ZMIZ1: variants seen among roughly 807,000 people sequenced by gnomAD.
ZMIZ1 encodes the protein zinc finger MIZ-type containing 1, also known as zinc finger MIZ domain-containing protein 1.
A neutral mutation model predicts 113.9 loss-of-function variants in ZMIZ1; 17 were observed. That is an observed-to-expected ratio of 0.15 (90% confidence interval 0.10 to 0.22). ZMIZ1 has a LOEUF of 0.22. Ranked by LOEUF, ZMIZ1 falls within the 10% of genes least tolerant of loss-of-function variation. The pLI, the probability that ZMIZ1 is intolerant of heterozygous loss-of-function variation, is 1.00. For synonymous variants in ZMIZ1, 607 were observed against 603.1 expected (o/e 1.01, Z -0.09); for missense variants, 1,059 against 1,477.8 (o/e 0.72, Z 4.65).
At chr10:79,095,014 A>G (rs1166152363) in intron 1 of ZMIZ1, among the ~76,000 whole-genome samples, 1 of 151,472 alleles carries the variant, frequency 6.6e-6, no homozygotes, top group Non-Finnish European at 1.5e-5. Flanking sequence ...GATGCTGATC[A>G]GAGGCCTGGG....
At position 79,307,253 on chromosome 10, in the gene ZMIZ1, C is replaced by T. The variant is rs1166868403; in HGVS notation, c.2669-152C>T. 29 of 719,004 alleles carry T rather than the reference C, an allele frequency of 4.0e-5. 1 individual carries two copies. In the South Asian group the frequency reaches 5.1e-4, roughly 13 times the overall value. The allele number at this position is 719,004 out of a possible 1,614,324, so 44.5% of individuals were successfully genotyped here. On this transcript the variant is annotated intron_variant, in intron 22 of 24. Coordinates refer to ENST00000334512, the MANE Select transcript of ZMIZ1 (RefSeq NM_020338.4). ...GACAGGGCTGAGTGGCTGCTCTATC[C>T]TACAGCCCGGAAGCCTCGGGCTGCT...
chr10:79,237,154 G>A (rs992152695), intron 7 of ZMIZ1, among the ~76,000 whole-genome samples: 2 of 152,204 alleles, frequency 1.3e-5, no homozygotes, highest in African/African-American at 2.4e-5. Context: ...GAGGTGCATC[G>A]GGTGCATTCA....
Position 79,085,705 on chromosome 10 carries a change from C to T in ZMIZ1, c.-337+16435C>T, listed in dbSNP as rs184881048. On this transcript the variant is annotated intron_variant, in intron 1 of 24. Transcript: ENST00000334512. ...AACAGGCTTCAGCCCAAGAGATGCC[C>T]CTGAGAACCTCTTTTTCAGGAAGCA... 1.2e-4 allele frequency among the ~76,000 whole-genome samples: 19 copies of T among 152,324 alleles called. No homozygotes were observed. The East Asian group carries it at 3.3e-3, about 26-fold the overall frequency.
chr10:79,307,459 G>T lies in ZMIZ1; in HGVS notation c.2723G>T (p.Gly908Val), dbSNP rs1854789462. 1 of 1,612,758 alleles carries T rather than the reference G, an allele frequency of 6.2e-7. No individual in the cohort carries two copies. Among genetic ancestry groups the T allele is most frequent in the African/African-American group, 1.3e-5 (1 of 74,642 alleles). The change falls in exon 23 of 25, where the codon GGG (glycine) becomes GTG (valine). Residue 908 changes from glycine to valine, a missense_variant. Around this residue, in one of 6 missense-constraint regions of ZMIZ1, gnomAD observed 225 missense variants for 276.0 expected, o/e 0.82. Coordinates refer to ENST00000334512, the MANE Select transcript of ZMIZ1 (RefSeq NM_020338.4). ...NFDFPHGNPG[G>V]TSMNDFMHGP... ...GACTTCCCCCACGGGAACCCTGGAG[G>T]GACATCCATGAATGACTTCATGCAC...
intron 3 of ZMIZ1, among the ~76,000 whole-genome samples, chr10:79,141,841 A>G (rs567271455): frequency 6.6e-6 from 1 of 152,304 alleles, no homozygotes; most frequent in East Asian, 1.9e-4. Context: ...ATAGGGGGCG[A>G]AGTCAGAGAG....
chr10:79,174,905 G>A (rs937167539), intron 4 of ZMIZ1, among the ~76,000 whole-genome samples: 10 of 152,240 alleles, frequency 6.6e-5, no homozygotes, highest in African/African-American at 2.2e-4. Context: ...GGAGGGCGCA[G>A]CATCCCCAGG....
At chr10:79,106,276 A>G (rs930023974) in intron 1 of ZMIZ1, among the ~76,000 whole-genome samples, 4 of 152,230 alleles carry the variant, frequency 2.6e-5, no homozygotes, top group African/African-American at 9.6e-5. Flanking sequence ...ACCCAGCAGA[A>G]TGTAGTAGTT....
chr10:79,212,011 C>T (rs535335741), intron 6 of ZMIZ1, among the ~76,000 whole-genome samples: 1 of 152,358 alleles, frequency 6.6e-6, no homozygotes, highest in Admixed American at 6.5e-5. Context: ...ATGGAGACCC[C>T]TTCTCCAGCA....
At chr10:79,290,021 C>T (rs1853370517) in intron 9 of ZMIZ1, 132 bp downstream of exon 9, 1 of 880,422 alleles carries the variant, frequency 1.1e-6, no homozygotes, top group African/African-American at 1.7e-5. Flanking sequence ...AGGGCACACC[C>T]AGCTGTGGAC....
intron 5 of ZMIZ1, among the ~76,000 whole-genome samples, chr10:79,206,558 C>G (rs980051490): frequency 1.8e-4 from 27 of 152,230 alleles, no homozygotes; most frequent in African/African-American, 6.5e-4. Context: ...GCTGCCCTCT[C>G]AAAGGGCTTG....
intron 8 of ZMIZ1, among the ~76,000 whole-genome samples, chr10:79,282,553 G>A (rs1384217497): frequency 6.6e-6 from 1 of 152,216 alleles, no homozygotes; most frequent in Non-Finnish European, 1.5e-5. Flanking sequence ...TCTGCTGCAG[G>A]CTGCAGAGCT....
At chr10:79,306,422 G>A (rs1410834608) in intron 22 of ZMIZ1, 78 bp downstream of exon 22, 2 of 1,563,060 alleles carry the variant, frequency 1.3e-6, no homozygotes, top group African/African-American at 2.7e-5. Context: ...TTTCTGTGCT[G>A]ATGGTGGCAG....
intron 4 of ZMIZ1, among the ~76,000 whole-genome samples, chr10:79,170,555 T>C (rs1331579915): frequency 6.6e-6 from 1 of 152,200 alleles, no homozygotes; most frequent in Non-Finnish European, 1.5e-5. Flanking sequence ...TCCACTCAGA[T>C]CTGAGATCTT....
chr10:79,190,308 C>T (rs1380955891), intron 4 of ZMIZ1, among the ~76,000 whole-genome samples: 1 of 152,196 alleles, frequency 6.6e-6, no homozygotes, highest in Non-Finnish European at 1.5e-5. Flanking sequence ...GTGGTTGGGG[C>T]AGTTGGGGCT....
chr10:79,190,578 A>T (rs187004992), intron 4 of ZMIZ1, among the ~76,000 whole-genome samples: 147 of 152,230 alleles, frequency 9.7e-4, no homozygotes, highest in Non-Finnish European at 1.3e-3. Flanking sequence ...GAAATTAAAA[A>T]ATATATATAT....
At chr10:79,142,911 G>C (rs527642579) in intron 3 of ZMIZ1, among the ~76,000 whole-genome samples, 1 of 152,360 alleles carries the variant, frequency 6.6e-6, no homozygotes, top group South Asian at 2.1e-4. Flanking sequence ...ACCTGAGCAT[G>C]GTGTGGATCC....
intron 4 of ZMIZ1, among the ~76,000 whole-genome samples, chr10:79,164,219 C>T (rs1418310077): frequency 2.6e-5 from 4 of 152,216 alleles, no homozygotes; most frequent in East Asian, 1.9e-4. Context: ...CGTGGGGCTC[C>T]GCTCTTGACC....
rs1313014890 is a variant in ZMIZ1 at position 79,312,558 on chromosome 10, G to A, written c.3097-84G>A. 3.5e-5 allele frequency: 50 copies of A among 1,442,702 alleles called. 1 individual carries two copies. The highest frequency in any genetic ancestry group is 3.2e-4 in the South Asian group (28 of 86,680). 89.4% of individuals were successfully genotyped at this position (1,442,702 alleles called of 1,614,324 possible). A position where few individuals can be genotyped will look rare whatever the true frequency, so the allele number is the denominator to read the frequency against. Reference sequence around the variant, plus strand: ...TCCTGAGAGGCAGGTGGAGGGGGACGGGCCAGGGCGCCCCTGCATTCCTCA... The same window carrying A: ...TCCTGAGAGGCAGGTGGAGGGGGACAGGCCAGGGCGCCCCTGCATTCCTCA... On this transcript the variant is annotated intron_variant, in intron 24 of 24. Coordinates refer to ENST00000334512, the MANE Select transcript of ZMIZ1 (RefSeq NM_020338.4).
intron 4 of ZMIZ1, among the ~76,000 whole-genome samples, chr10:79,164,971 C>T (rs925543405): frequency 6.6e-5 from 10 of 152,072 alleles, no homozygotes; most frequent in African/African-American, 1.9e-4. Flanking sequence ...GCCTGCTCCC[C>T]GCTGACTGGC....
Sources: allele counts gnomAD v4.1 joint callset (sites outside exome capture counted in the v4.1 genomes callset), GRCh38; gene constraint gnomAD v4.1.1; regional missense constraint gnomAD v4.1.1; transcripts MANE v1.5; gene names NCBI Gene and HGNC (gene_info 2026-07-23, HGNC 2026-07-21).